SFXN1: variants seen among roughly 807,000 people sequenced by gnomAD.
SFXN1 encodes sideroflexin 1.
Under a neutral mutation model 39.5 loss-of-function variants are expected in SFXN1, and 32 were observed. The ratio of observed to expected loss-of-function variants is 0.81; its 90% CI spans 0.61 to 1.09. The LOEUF is 1.09. Ranked by LOEUF, SFXN1 falls within the 50% of genes least tolerant of loss-of-function variation. SFXN1 has a pLI of 0.00. For missense variants in SFXN1, 402 were observed against 407.1 expected (o/e 0.99, Z 0.11); for synonymous variants, 136 against 146.5 (o/e 0.93, Z 0.52).
intron 1 of SFXN1, among the ~76,000 whole-genome samples, chr5:175,490,789 T>TTATA (rs754070274): frequency 7.6e-4 from 116 of 152,156 alleles, no homozygotes; most frequent in Non-Finnish European, 1.5e-3. Flanking sequence ...CACTTAAACA[T>TTATA]TAAAGGTGTA....
intron 2 of SFXN1, among the ~76,000 whole-genome samples, chr5:175,508,712 A>G (rs2113328648): frequency 6.6e-6 from 1 of 152,050 alleles, no homozygotes; most frequent in South Asian, 2.1e-4. Context: ...ATCTTGGCTC[A>G]CTGTAACCTC....
intron 6 of SFXN1, 70 bp from the exon 7 acceptor site, chr5:175,513,376 GAGGGTTGATCTTTCCCA>G: frequency 7.1e-7 from 1 of 1,414,042 alleles, no homozygotes; most frequent in Non-Finnish European, 9.6e-7. Flanking sequence ...GAATTAAGTA[GAGGGTTGATCTTTCCCA>G]ACATAGTACT....
In SFXN1 at chr5:175,529,463, C is replaced by A. The variant is rs2113379599; in HGVS notation, c.*2729C>A. The A allele has an allele frequency of 7.2e-6, 1 of 138,994 alleles. No homozygotes were observed. The highest frequency in any genetic ancestry group is 2.0e-4 in the East Asian group (1 of 5,010). The allele number at this position is 138,994 out of a possible 1,614,324, so 8.6% of individuals were successfully genotyped here. A position where few individuals can be genotyped will look rare whatever the true frequency, so the allele number is the denominator to read the frequency against. On this transcript the variant is annotated 3_prime_UTR_variant, in exon 11 of 11. Transcript: ENST00000321442. Reference sequence around the variant, plus strand: ...AAAGCTATCAACTGTATGTTGATCACAGTTTATAAGAAAGAACAAATCAAG... The same window carrying A: ...AAAGCTATCAACTGTATGTTGATCAAAGTTTATAAGAAAGAACAAATCAAG...
At chr5:175,504,596 C>T (rs978479259) in intron 2 of SFXN1, among the ~76,000 whole-genome samples, 3 of 151,308 alleles carry the variant, frequency 2.0e-5, no homozygotes, top group Admixed American at 6.6e-5. Flanking sequence ...AAGAAGAGAC[C>T]ATAACCAACT....
intron 1 of SFXN1, among the ~76,000 whole-genome samples, chr5:175,478,977 A>G (rs1305032948): frequency 6.6e-6 from 1 of 152,060 alleles, no homozygotes; most frequent in Non-Finnish European, 1.5e-5. Flanking sequence ...TGCGTGGCGA[A>G]CTCGCTCCGG....
intron 2 of SFXN1, among the ~76,000 whole-genome samples, chr5:175,504,385 G>T (rs1018051812): frequency 1.3e-5 from 2 of 151,944 alleles, no homozygotes; most frequent in Admixed American, 1.3e-4. Flanking sequence ...CACCAGCCTG[G>T]CCAACATGGT....
At chr5:175,512,521 A>T (rs1760558122) in intron 6 of SFXN1, among the ~76,000 whole-genome samples, 1 of 152,212 alleles carries the variant, frequency 6.6e-6, no homozygotes. Context: ...CTTGGGTTGG[A>T]CAAAGTCTAT....
intron 2 of SFXN1, among the ~76,000 whole-genome samples, chr5:175,498,059 A>T (rs1561660069): frequency 6.6e-6 from 1 of 151,748 alleles, no homozygotes; most frequent in African/African-American, 2.4e-5. Flanking sequence ...ATCAAAACAA[A>T]AAAATCACAA....
In SFXN1 at chr5:175,526,663, G is replaced by A. The variant is rs542740389; in HGVS notation, c.898G>A (p.Ala300Thr). 1.7e-5 allele frequency: 28 copies of A among 1,614,164 alleles called. No homozygotes were observed. In the Admixed American group the frequency reaches 3.7e-4, roughly 21 times the overall value. Residue 300 changes from alanine (A) to threonine (T), a missense_variant, in exon 11 of 11, where the codon GCC (alanine) becomes ACC (threonine). Transcript: ENST00000321442. The part of the protein sequence containing the change: ...KSSMSVTSLE[A>T]ELQAKIQESH... ...TTCCATGTCTGTGACAAGCTTGGAG[G>A]CCGAGTTGCAAGCTAAGATCCAAGA...
intron 2 of SFXN1, among the ~76,000 whole-genome samples, chr5:175,504,759 T>C (rs1034019392): frequency 2.6e-4 from 39 of 151,952 alleles, no homozygotes; most frequent in Non-Finnish European, 4.1e-4. Context: ...TGCGGAGTCT[T>C]GCTCTGTCGC....
rs35976752 is a variant in SFXN1 at position 175,529,531 on chromosome 5, GAAA to G, written c.*2804_*2806del. 1 of 151,272 alleles carries G rather than the reference GAAA, an allele frequency of 6.6e-6. No individual in the cohort carries two copies. The highest frequency in any genetic ancestry group is 1.5e-5 in the Non-Finnish European group (1 of 67,830). The allele number at this position is 151,272 out of a possible 1,614,324, so 9.4% of individuals were successfully genotyped here. A position where few individuals can be genotyped will look rare whatever the true frequency, so the allele number is the denominator to read the frequency against. On this transcript the variant is annotated 3_prime_UTR_variant, in exon 11 of 11. Coordinates refer to ENST00000321442, the MANE Select transcript of SFXN1 (RefSeq NM_022754.7). ...ATCTTTTAGAAATACCTTTTCTGGA[GAAA>G]AAAAAATCCACATGAAGTGCAATAA...
chr5:175,494,201 A>G (rs1185372501), intron 2 of SFXN1, among the ~76,000 whole-genome samples: 2 of 152,244 alleles, frequency 1.3e-5, no homozygotes, highest in African/African-American at 2.4e-5. Flanking sequence ...CCCTATTTCA[A>G]GCAGACACAC....
At chr5:175,508,529 C>T (rs181202052) in intron 2 of SFXN1, among the ~76,000 whole-genome samples, 1 of 152,216 alleles carries the variant, frequency 6.6e-6, no homozygotes, top group East Asian at 1.9e-4. Flanking sequence ...GCCACCGCGC[C>T]CAGCCTGAAA....
chr5:175,501,129 C>G (rs13355502), intron 2 of SFXN1, among the ~76,000 whole-genome samples: 1 of 140,776 alleles, frequency 7.1e-6, no homozygotes, highest in Non-Finnish European at 1.5e-5. Context: ...AGTGCAGTGG[C>G]GCGATCTTGG....
At chr5:175,518,274 G>A (rs111730746) in intron 8 of SFXN1, among the ~76,000 whole-genome samples, 2 of 152,262 alleles carry the variant, frequency 1.3e-5, no homozygotes, top group African/African-American at 4.8e-5. Flanking sequence ...TGTTCCTTAA[G>A]TTCTAATTCT....
intron 10 of SFXN1, among the ~76,000 whole-genome samples, 182 bp from the exon 11 acceptor site, chr5:175,526,456 T>C (rs1201752209): frequency 2.0e-5 from 3 of 152,176 alleles, no homozygotes. Flanking sequence ...TTTCTTTCAT[T>C]ATGAGTGACA....
chr5:175,502,445 A>G (rs1032944735), intron 2 of SFXN1, among the ~76,000 whole-genome samples: 3 of 152,254 alleles, frequency 2.0e-5, no homozygotes, highest in East Asian at 1.9e-4. Flanking sequence ...AAGGATTACA[A>G]GCAAGATAGA....
chr5:175,516,707 C>A lies in SFXN1; in HGVS notation c.774+44C>A, dbSNP rs185299157. On this transcript the variant is annotated intron_variant, in intron 8 of 10. Coordinates refer to ENST00000321442, the MANE Select transcript of SFXN1 (RefSeq NM_022754.7). ...GTCATTTTCTCAACCCTTTTTATTT[C>A]TTTTCAGATTTCAAACCGTATAGAT... is the stretch of plus-strand genomic sequence containing the variant. 4,279 of 1,589,670 alleles carry A rather than the reference C, an allele frequency of 2.7e-3. 9 individuals are homozygous for A. Among genetic ancestry groups the A allele is most frequent in the Middle Eastern group, 4.5e-3 (27 of 5,982 alleles).
At chr5:175,509,001 G>C in intron 2 of SFXN1, 31 bp from the exon 3 acceptor site, 1 of 1,578,462 alleles carries the variant, frequency 6.3e-7, no homozygotes, top group Non-Finnish European at 8.6e-7. Flanking sequence ...TTTGAAATGA[G>C]CAATTGCCAT....
Sources: gnomAD v4.1 joint callset for allele counts (sites outside exome capture counted in the v4.1 genomes callset) on GRCh38, gnomAD v4.1.1 for gene constraint, MANE v1.5 for transcripts, NCBI Gene and HGNC (gene_info 2026-07-23, HGNC 2026-07-21) for gene names.